The following ELL variants were observed in gnomAD, a reference collection of about 807,000 sequenced individuals.
ELL encodes RNA polymerase II elongation factor ELL.
A neutral mutation model predicts 64.0 loss-of-function variants in ELL; 18 were observed. The ratio of observed to expected loss-of-function variants is 0.28; its 90% confidence interval spans 0.19 to 0.42. The LOEUF is 0.42. Ranked by LOEUF, ELL falls within the 10% of genes least tolerant of loss-of-function variation. ELL has a pLI of 1.00. For synonymous variants in ELL, 399 were observed against 376.2 expected (o/e 1.06, Z -0.70); for missense variants, 797 against 870.4 (o/e 0.92, Z 1.06).
intron 4 of ELL, among the ~76,000 whole-genome samples, chr19:18,462,695 G>A (rs1482963011): frequency 1.3e-5 from 2 of 152,174 alleles, no homozygotes; most frequent in Non-Finnish European, 2.9e-5. Flanking sequence ...GGCAGGGGCT[G>A]TTTGTAAACC....
chr19:18,521,019 A>T (rs1976257278), intron 1 of ELL, among the ~76,000 whole-genome samples: 1 of 151,702 alleles, frequency 6.6e-6, no homozygotes, highest in Admixed American at 6.6e-5. Flanking sequence ...CATACACAGC[A>T]GCCTCCCCTC....
At chr19:18,510,951 G>A (rs1028744984) in intron 1 of ELL, among the ~76,000 whole-genome samples, 3 of 151,892 alleles carry the variant, frequency 2.0e-5, no homozygotes, top group South Asian at 2.1e-4. Flanking sequence ...GTGAAACCCC[G>A]TCTCTACTAA....
Position 18,472,829 on chromosome 19 carries a change from A to C in ELL, c.183+6T>G. On this transcript the variant is annotated splice_donor_region_variant and intron_variant, in intron 2 of 11. Coordinates refer to ENST00000262809, the MANE Select transcript of ELL (RefSeq NM_006532.4). ...CCAAATATGAATGATTAAGACAAAA[A>C]CTTACCCCTTGGCTTCCTTGAAATC... 1 of 1,608,406 alleles carries C rather than the reference A, an allele frequency of 6.2e-7. No individual in the cohort carries two copies.
In ELL at chr19:18,450,544, G is replaced by C; in HGVS notation, c.1398C>G (p.Pro466=). ...GTGCACAGTCTGGAAGCTGGGCCCG[G>C]GGCTTGTCCTCAGCCGCCCTCTCCT... ...KDKERAAEDK[P]RAQLPDCAPA... Residue 466 remains proline, a synonymous_variant, in exon 8 of 12, where the codon CCC becomes CCG. Transcript: ENST00000262809. The C allele has an allele frequency of 6.2e-7, 1 of 1,613,234 alleles. No individual in the cohort carries two copies. Among genetic ancestry groups the C allele is most frequent in the Non-Finnish European group, 8.5e-7 (1 of 1,179,928 alleles).
chr19:18,513,267 C>T lies in ELL; in HGVS notation c.135+8654G>A, dbSNP rs529099453. ...CACCTCATCGCTCTATGTAGCCTCA[C>T]TACGGGACAGTGGACTGGCCTGTAC... is the stretch of plus-strand genomic sequence containing the variant. On this transcript the variant is annotated intron_variant, in intron 1 of 11. Transcript: ENST00000262809. Among the ~76,000 whole-genome samples the T allele has an allele frequency of 7.2e-5, 11 of 152,326 alleles. No homozygotes were observed. In the South Asian group the frequency reaches 2.3e-3, roughly 32 times the overall value.
intron 1 of ELL, among the ~76,000 whole-genome samples, chr19:18,509,591 G>GCA (rs1975963581): frequency 4.1e-5 from 5 of 121,764 alleles, no homozygotes; most frequent in African/African-American, 1.9e-4. Context: ...GTGCGCGCGC[G>GCA]CGCACATACA....
intron 1 of ELL, among the ~76,000 whole-genome samples, chr19:18,492,785 C>G (rs962820626): frequency 7.9e-5 from 12 of 152,242 alleles, no homozygotes; most frequent in Middle Eastern, 6.8e-3. Context: ...CAGCCAGGCC[C>G]AGGCCCAGCT....
At chr19:18,458,177 C>T in intron 6 of ELL, 28 bp downstream of exon 6, 2 of 1,603,856 alleles carry the variant, frequency 1.2e-6, no homozygotes, top group East Asian at 4.5e-5. Context: ...CGGGTGGGGA[C>T]ATGCTGGGGG....
chr19:18,480,222 C>A (rs1344633221), intron 1 of ELL, among the ~76,000 whole-genome samples: 1 of 152,214 alleles, frequency 6.6e-6, no homozygotes, highest in East Asian at 1.9e-4. Flanking sequence ...AACAGGCCCC[C>A]CCTTTCCAGT....
At chr19:18,465,099 G>A (rs928896183) in intron 4 of ELL, among the ~76,000 whole-genome samples, 1 of 152,200 alleles carries the variant, frequency 6.6e-6, no homozygotes, top group Non-Finnish European at 1.5e-5. Context: ...CAAGGCTGCA[G>A]CCTGAAAGCA....
In ELL at chr19:18,522,061, G is replaced by T. The variant is rs370385567; in HGVS notation, c.-6C>A. 6 of 1,598,054 alleles carry T rather than the reference G, an allele frequency of 3.8e-6. No individual in the cohort carries two copies. In the African/African-American group the frequency reaches 5.5e-5, roughly 15 times the overall value. The stretch of plus-strand genomic sequence containing the variant: ...TCCTCCTTCAGCGCCGCCATCTTGC[G>T]ACCATCTCTCCCCCGCGCCCCCTTC... On this transcript the variant is annotated 5_prime_UTR_variant, in exon 1 of 12. Coordinates refer to ENST00000262809, the MANE Select transcript of ELL (RefSeq NM_006532.4).
At chr19:18,482,426 T>TCCTGCC (rs1416231876) in intron 1 of ELL, among the ~76,000 whole-genome samples, 1 of 145,524 alleles carries the variant, frequency 6.9e-6, no homozygotes, top group Non-Finnish European at 1.5e-5. Context: ...GAAGCAATTC[T>TCCTGCC]CCTGCCTCTG....
chr19:18,479,627 T>C (rs1319429738), intron 1 of ELL, among the ~76,000 whole-genome samples: 1 of 143,420 alleles, frequency 7.0e-6, no homozygotes, highest in East Asian at 2.0e-4. Flanking sequence ...GAGAACTGCT[T>C]GAACCCGGTA....
chr19:18,473,256 C>T (rs1316593596), intron 1 of ELL: 4 of 529,680 alleles, frequency 7.6e-6, no homozygotes, highest in African/African-American at 5.7e-5. Context: ...GTGCTCACAG[C>T]CCTGCCAGGA....
Position 18,458,192 on chromosome 19 carries a change from G to T in ELL, c.869+13C>A. ...CGGGTGGGGACATGCTGGGGGATGG[G>T]AGGCGGCATTACCGGACGAGCACCC... On this transcript the variant is annotated intron_variant, in intron 6 of 11. Coordinates refer to ENST00000262809, the MANE Select transcript of ELL (RefSeq NM_006532.4). 1 of 1,606,934 alleles carries T rather than the reference G, an allele frequency of 6.2e-7. No individual in the cohort carries two copies.
At chr19:18,499,919 G>T (rs1975745581) in intron 1 of ELL, among the ~76,000 whole-genome samples, 1 of 152,132 alleles carries the variant, frequency 6.6e-6, no homozygotes, top group Non-Finnish European at 1.5e-5. Context: ...CTGCATCAAT[G>T]ACCCCAAATA....
chr19:18,478,206 C>T (rs541251145), intron 1 of ELL, among the ~76,000 whole-genome samples: 8 of 152,282 alleles, frequency 5.3e-5, no homozygotes, highest in South Asian at 4.1e-4. Flanking sequence ...GTGTCATGGC[C>T]GAACCCTTGT....
chr19:18,445,120 CCA>C, intron 11 of ELL, 102 bp downstream of exon 11: 1 of 1,507,184 alleles, frequency 6.6e-7, no homozygotes, highest in Non-Finnish European at 9.2e-7. Context: ...GGCTCTTCCC[CCA>C]CACCTTGGAA....
intron 1 of ELL, among the ~76,000 whole-genome samples, chr19:18,489,120 G>C (rs112580334): frequency 6.6e-6 from 1 of 152,280 alleles, no homozygotes; most frequent in South Asian, 2.1e-4. Flanking sequence ...AAATAAAAGC[G>C]CCCAATTTCG....
Sources: gnomAD v4.1 joint callset for allele counts (sites outside exome capture counted in the v4.1 genomes callset) on GRCh38, gnomAD v4.1.1 for gene constraint, MANE v1.5 for transcripts, NCBI Gene and HGNC (gene_info 2026-07-23, HGNC 2026-07-21) for gene names.